TVP23A: variants seen among roughly 807,000 people sequenced by gnomAD.
The protein encoded by TVP23A is Golgi apparatus membrane protein TVP23 homolog A.
In TVP23A, 21 loss-of-function variants were observed where a neutral mutation model predicts 31.7. That is an observed-to-expected ratio of 0.66 (90% CI 0.47 to 0.95). The LOEUF (loss-of-function observed/expected upper bound fraction) is 0.95. Among genes scored for constraint, TVP23A ranks in the 40% least tolerant of loss-of-function variants. The probability of loss-of-function intolerance (pLI) is 0.00; values close to 1 mark genes in which losing one functional copy is unlikely to be tolerated. For synonymous variants in TVP23A, 104 were observed against 96.0 expected, an observed-to-expected ratio of 1.08 and a Z score of -0.49; for missense variants, 279 against 255.6, an observed-to-expected ratio of 1.09 and a Z score of -0.62.
At chr16:10,789,665 TA>T (rs969812242) in intron 2 of TVP23A, among the ~76,000 whole-genome samples, 676 of 55,422 alleles carry the variant, frequency 0.012, 2 homozygotes, top group Non-Finnish European at 0.014. Context: ...CCATCTCTAC[TA>T]AAAAAAAAAA....
At chr16:10,815,626 A>G (rs2034404447) in intron 2 of TVP23A, among the ~76,000 whole-genome samples, 1 of 152,036 alleles carries the variant, frequency 6.6e-6, no homozygotes, top group Non-Finnish European at 1.5e-5. Context: ...TGCACAGGAC[A>G]CTCCTTACAG....
intron 7 of TVP23A, among the ~76,000 whole-genome samples, chr16:10,769,852 CTGTT>C (rs2031422129): frequency 1.3e-5 from 2 of 152,204 alleles, no homozygotes; most frequent in African/African-American, 4.8e-5. Flanking sequence ...GGTGCTTGCT[CTGTT>C]TGAGACACAC....
Position 10,768,076 on chromosome 16 carries a change from G to C in TVP23A, c.*1026C>G. On this transcript the variant is annotated 3_prime_UTR_variant, in exon 8 of 8. Transcript: ENST00000299866. This position sits in a 1 kb window ranked among gnomAD's most constrained non-coding sequence, Gnocchi z 4.3. ...ACTAAATGCAGATGCCTGTGGGGCAGGAAGCAACATAAAGGAGCCAGGGGT... is the reference window on the plus strand; with the variant it reads ...ACTAAATGCAGATGCCTGTGGGGCACGAAGCAACATAAAGGAGCCAGGGGT... 1.3e-6 allele frequency: 2 copies of C among 1,586,384 alleles called. No individual in the cohort carries two copies. Among genetic ancestry groups the C allele is most frequent in the East Asian group, 2.2e-5 (1 of 44,708 alleles).
In TVP23A at chr16:10,779,249, T is replaced by C. The variant is rs775705562; in HGVS notation, c.90-4153A>G. On this transcript the variant is annotated intron_variant, in intron 2 of 7. Coordinates refer to ENST00000299866, the MANE Select transcript of TVP23A (RefSeq NM_001079512.4). This position sits in a 1 kb window ranked among gnomAD's most constrained non-coding sequence, Gnocchi z 4.9. ...GCCTGTTGCCCTTTTAAATGTTGCT[T>C]TAATCCTATTTTATGCAGGTTGCTC... Among the ~76,000 whole-genome samples the C allele has an allele frequency of 2.0e-5, 3 of 152,142 alleles. No homozygotes were observed. Among genetic ancestry groups the C allele is most frequent in the Admixed American group, 1.3e-4 (2 of 15,268 alleles).
At position 10,818,044 on chromosome 16, in the gene TVP23A, GTAAA is replaced by G; in HGVS notation, c.89+55_89+58del. ...CAATATATTTTGAATGAATGAGTGA[GTAAA>G]TGAATGAATTTGCAGCTTTGGGGAA... is the stretch of plus-strand genomic sequence containing the variant. On this transcript the variant is annotated intron_variant, in intron 2 of 7. Coordinates refer to ENST00000299866, the MANE Select transcript of TVP23A (RefSeq NM_001079512.4). This position sits in a 1 kb window ranked among gnomAD's most constrained non-coding sequence, Gnocchi z 4.7. 7.2e-7 allele frequency: 1 copy of G among 1,394,520 alleles called. No homozygotes were observed. The allele number at this position is 1,394,520 out of a possible 1,614,324, so 86.4% of individuals were successfully genotyped here.
At chr16:10,816,963 G>A (rs2034472066) in intron 2 of TVP23A, among the ~76,000 whole-genome samples, 1 of 138,796 alleles carries the variant, frequency 7.2e-6, no homozygotes, top group African/African-American at 2.7e-5. Flanking sequence ...ACACACACAC[G>A]TCACCTGACC....
intron 2 of TVP23A, among the ~76,000 whole-genome samples, chr16:10,794,447 G>A (rs1440181208): frequency 6.6e-6 from 1 of 152,128 alleles, no homozygotes; most frequent in Non-Finnish European, 1.5e-5. Flanking sequence ...TTCCAAGTAA[G>A]GTTCAGTATT....
Position 10,818,236 on chromosome 16 carries a change from C to T in TVP23A, c.10-54G>A. 1 of 1,437,680 alleles carries T rather than the reference C, an allele frequency of 7.0e-7. No individual in the cohort carries two copies. The allele number at this position is 1,437,680 out of a possible 1,614,324, so 89.1% of individuals were successfully genotyped here. A position where few individuals can be genotyped will look rare whatever the true frequency, so the allele number is the denominator to read the frequency against. Reference sequence around the variant, plus strand: ...GCCCAAGCACGGCGCACACCCCAACCCCACCCGCCCTGTCCTCCTGGGCTT... The same window carrying T: ...GCCCAAGCACGGCGCACACCCCAACTCCACCCGCCCTGTCCTCCTGGGCTT... On this transcript the variant is annotated intron_variant, in intron 1 of 7. Coordinates refer to ENST00000299866, the MANE Select transcript of TVP23A (RefSeq NM_001079512.4). The surrounding 1 kb of genome is among the most constrained non-coding windows in gnomAD (Gnocchi z 4.7).
chr16:10,761,857 T>C (rs762161670), downstream of TVP23A: 10 of 1,612,590 alleles, frequency 6.2e-6, no homozygotes, highest in African/African-American at 5.3e-5. Flanking sequence ...GATCCGCTCA[T>C]AGGTGGGTGA....
intron 2 of TVP23A, among the ~76,000 whole-genome samples, chr16:10,786,223 TCCA>T: frequency 6.6e-6 from 1 of 152,136 alleles, no homozygotes; most frequent in Non-Finnish European, 1.5e-5. Flanking sequence ...TTATTTTTCA[TCCA>T]CAGGGGAAGG....
At position 10,818,523 on chromosome 16, in the gene TVP23A, G is replaced by A. The variant is rs746609577; in HGVS notation, c.-30C>T. 1.3e-6 allele frequency: 2 copies of A among 1,599,724 alleles called. No homozygotes were observed. Among genetic ancestry groups the A allele is most frequent in the Non-Finnish European group, 8.5e-7 (1 of 1,177,630 alleles). ...CTCCCAGGAGCCCACCTGGCGCCCAGGCCCGGGGCTCCAGCTCCGCCCGTC... is the reference window on the plus strand; with the variant it reads ...CTCCCAGGAGCCCACCTGGCGCCCAAGCCCGGGGCTCCAGCTCCGCCCGTC... On this transcript the variant is annotated 5_prime_UTR_variant, in exon 1 of 8. Transcript: ENST00000299866. The surrounding 1 kb of genome is among the most constrained non-coding windows in gnomAD (Gnocchi z 4.7).
intron 2 of TVP23A, among the ~76,000 whole-genome samples, chr16:10,793,377 G>A (rs971714381): frequency 6.6e-6 from 1 of 152,164 alleles, no homozygotes; most frequent in Non-Finnish European, 1.5e-5. Context: ...AGTTGGGGGG[G>A]TGCCTCTGGA....
At position 10,790,480 on chromosome 16, in the gene TVP23A, T is replaced by C. The variant is rs575956835; in HGVS notation, c.90-15384A>G. 3.3e-5 allele frequency among the ~76,000 whole-genome samples: 5 copies of C among 151,888 alleles called. No homozygotes were observed. In the South Asian group the frequency reaches 1.0e-3, roughly 32 times the overall value. On this transcript the variant is annotated intron_variant, in intron 2 of 7. Transcript: ENST00000299866. ...TTTGCATTTTTTAGTAGAGACAGGG[T>C]TTCACCGTGTTAGCCAGGATGGTCT...
intron 2 of TVP23A, among the ~76,000 whole-genome samples, chr16:10,803,827 T>C (rs1234171728): frequency 6.6e-6 from 1 of 152,188 alleles, no homozygotes; most frequent in African/African-American, 2.4e-5. Context: ...TTAGCAGTGA[T>C]GTAGATTAGG....
intron 2 of TVP23A, among the ~76,000 whole-genome samples, chr16:10,812,212 G>A (rs2034237352): frequency 6.6e-6 from 1 of 152,134 alleles, no homozygotes; most frequent in South Asian, 2.1e-4. Flanking sequence ...GAAATACCAT[G>A]GTTATCACAC....
chr16:10,771,811 A>G lies in TVP23A; in HGVS notation c.454-13T>C, dbSNP rs767710338. ...CAACCACCAGAGCCTGCACTCAGAC[A>G]AAGAAAGCAAAGGTCACTTTTTTTT... On this transcript the variant is annotated splice_polypyrimidine_tract_variant and intron_variant, in intron 5 of 7. Transcript: ENST00000299866. 1 of 1,557,076 alleles carries G rather than the reference A, an allele frequency of 6.4e-7. No individual in the cohort carries two copies. The highest frequency in any genetic ancestry group is 1.2e-5 in the South Asian group (1 of 84,558).
chr16:10,782,415 T>C (rs1261158011), intron 2 of TVP23A, among the ~76,000 whole-genome samples: 1 of 152,194 alleles, frequency 6.6e-6, no homozygotes, highest in African/African-American at 2.4e-5. Context: ...ACTGTCTTGG[T>C]AAATTCTTCT....
chr16:10,815,469 G>A (rs1471085195), intron 2 of TVP23A, among the ~76,000 whole-genome samples: 2 of 152,158 alleles, frequency 1.3e-5, no homozygotes, highest in Non-Finnish European at 2.9e-5. Flanking sequence ...CCACTGGTAT[G>A]CCTACTCCCA....
chr16:10,768,884 C>T lies in TVP23A; in HGVS notation c.*218G>A, dbSNP rs1487235278. The T allele has an allele frequency of 1.6e-6, 1 of 615,250 alleles. No homozygotes were observed. Among genetic ancestry groups the T allele is most frequent in the Non-Finnish European group, 2.9e-6 (1 of 344,160 alleles). 38.1% of individuals were successfully genotyped at this position (615,250 alleles called of 1,614,324 possible). A position where few individuals can be genotyped will look rare whatever the true frequency, so the allele number is the denominator to read the frequency against. On this transcript the variant is annotated 3_prime_UTR_variant, in exon 8 of 8. Coordinates refer to ENST00000299866, the MANE Select transcript of TVP23A (RefSeq NM_001079512.4). This position sits in a 1 kb window ranked among gnomAD's most constrained non-coding sequence, Gnocchi z 4.3. ...AGCAAGATGGGTAGTGTGAGGTATT[C>T]CGGTCACTTTCAAAGACTCAGGGCA...
Sources: gnomAD v4.1 joint callset for allele counts (sites outside exome capture counted in the v4.1 genomes callset) on GRCh38, gnomAD v4.1.1 for gene constraint, Gnocchi (gnomAD v3.1) non-coding constraint, MANE v1.5 for transcripts, NCBI Gene and HGNC (gene_info 2026-07-23, HGNC 2026-07-21) for gene names.